ZFPM2: variants seen among roughly 807,000 people sequenced by gnomAD.
The protein encoded by ZFPM2 is zinc finger protein ZFPM2.
In ZFPM2, 20 loss-of-function variants were observed where a neutral mutation model predicts 98.6. The observed-to-expected ratio is 0.20, with a 90% CI of 0.14 to 0.29. ZFPM2 has a LOEUF of 0.29. Ranked by LOEUF, ZFPM2 falls within the 10% of genes least tolerant of loss-of-function variation. The probability of loss-of-function intolerance (pLI) is 1.00; values close to 1 mark genes in which losing one functional copy is unlikely to be tolerated. For synonymous variants in ZFPM2, 518 were observed against 502.7 expected, an observed-to-expected ratio of 1.03 and a Z score of -0.41; for missense variants, 1,310 against 1,388.6, an observed-to-expected ratio of 0.94 and a Z score of 0.90.
intron 5 of ZFPM2, chr8:105,785,073 T>G (rs1190744219): frequency 6.6e-6 from 1 of 152,060 alleles, no homozygotes; most frequent in East Asian, 1.9e-4. Flanking sequence ...CCAAGTTTCT[T>G]TGGTGATCCT....
chr8:105,753,525 A>G (rs1812523604), intron 5 of ZFPM2, among the ~76,000 whole-genome samples: 4 of 152,190 alleles, frequency 2.6e-5, no homozygotes, highest in Admixed American at 2.0e-4. Context: ...GCCACCAGAG[A>G]AAAACAAATT....
chr8:105,513,930 C>T (rs1586428201), intron 3 of ZFPM2, among the ~76,000 whole-genome samples: 2 of 151,688 alleles, frequency 1.3e-5, no homozygotes, highest in East Asian at 3.9e-4. Flanking sequence ...TAAGCTGCAC[C>T]TTGGGAGCTG....
chr8:105,385,589 G>T (rs984744805), intron 1 of ZFPM2, among the ~76,000 whole-genome samples: 3 of 152,108 alleles, frequency 2.0e-5, no homozygotes, highest in East Asian at 1.9e-4. Context: ...AGTAATGTAC[G>T]TATCTTAGTG....
intron 1 of ZFPM2, among the ~76,000 whole-genome samples, chr8:105,345,365 T>C (rs1355726617): frequency 6.6e-6 from 1 of 151,730 alleles, no homozygotes; most frequent in Non-Finnish European, 1.5e-5. Context: ...TTCCATCTTT[T>C]GGAAGGCAGA....
At chr8:105,512,904 T>C (rs79026805) in intron 3 of ZFPM2, among the ~76,000 whole-genome samples, 4,602 of 152,196 alleles carry the variant, frequency 0.03, 230 homozygotes, top group African/African-American at 0.1. Flanking sequence ...GTGTGCATGT[T>C]TCAAAATTTT....
At chr8:105,594,181 T>C (rs1328665424) in intron 4 of ZFPM2, among the ~76,000 whole-genome samples, 2 of 152,112 alleles carry the variant, frequency 1.3e-5, no homozygotes, top group Non-Finnish European at 2.9e-5. Context: ...GCCTGTCTCC[T>C]CTCCTCTTGA....
chr8:105,457,036 G>GT (rs1240867299), intron 3 of ZFPM2, among the ~76,000 whole-genome samples: 1 of 152,030 alleles, frequency 6.6e-6, no homozygotes, highest in African/African-American at 2.4e-5. Context: ...TTTTTGTGAG[G>GT]TTTATCATTT....
At chr8:105,757,465 A>C (rs574068162) in intron 5 of ZFPM2, among the ~76,000 whole-genome samples, 2 of 152,352 alleles carry the variant, frequency 1.3e-5, no homozygotes, top group South Asian at 4.1e-4. Context: ...GTGTAATTAA[A>C]AATGAAAATC....
intron 6 of ZFPM2, among the ~76,000 whole-genome samples, chr8:105,793,389 T>G (rs1162015962): frequency 1.3e-5 from 2 of 152,226 alleles, no homozygotes; most frequent in African/African-American, 2.4e-5. Context: ...AAAATTCTTT[T>G]CTTTAAGAAT....
intron 2 of ZFPM2, among the ~76,000 whole-genome samples, chr8:105,440,649 G>T (rs1043590020): frequency 3.9e-5 from 6 of 152,288 alleles, no homozygotes; most frequent in Admixed American, 2.0e-4. Context: ...GTAGGAAGCT[G>T]TTAGCACTTC....
At chr8:105,640,545 A>T (rs552204987) in intron 5 of ZFPM2, among the ~76,000 whole-genome samples, 135 of 152,156 alleles carry the variant, frequency 8.9e-4, no homozygotes, top group African/African-American at 3.2e-3. Context: ...AATGTCCTTT[A>T]TGTCCAAGGG....
At chr8:105,768,950 A>G (rs1812920683) in intron 5 of ZFPM2, among the ~76,000 whole-genome samples, 2 of 151,912 alleles carry the variant, frequency 1.3e-5, no homozygotes, top group African/African-American at 4.8e-5. Context: ...CATGGTTCCT[A>G]TCAGGCATAA....
At chr8:105,441,173 CA>C (rs1812229685) in intron 2 of ZFPM2, among the ~76,000 whole-genome samples, 1 of 151,458 alleles carries the variant, frequency 6.6e-6, no homozygotes, top group Non-Finnish European at 1.5e-5. Context: ...AACAAACAAA[CA>C]AACAAACAAA....
At chr8:105,713,655 G>A (rs1311187032) in intron 5 of ZFPM2, among the ~76,000 whole-genome samples, 1 of 151,952 alleles carries the variant, frequency 6.6e-6, no homozygotes, top group African/African-American at 2.4e-5. Flanking sequence ...TGTGGTGAGA[G>A]GTAGGCATCC....
chr8:105,527,752 G>C (rs900634335), intron 3 of ZFPM2, among the ~76,000 whole-genome samples: 13 of 152,192 alleles, frequency 8.5e-5, no homozygotes, highest in African/African-American at 3.1e-4. Flanking sequence ...GAAATGCAGT[G>C]TCTCAGGACC....
intron 7 of ZFPM2, among the ~76,000 whole-genome samples, chr8:105,799,203 A>T (rs1297877843): frequency 6.6e-6 from 1 of 152,202 alleles, no homozygotes; most frequent in Admixed American, 6.5e-5. Flanking sequence ...TGAGGTTTTA[A>T]AAAAGCACAT....
At chr8:105,602,638 C>CATATGTGTGCATTTGTACATACATGA (rs1188357345) in intron 4 of ZFPM2, among the ~76,000 whole-genome samples, 1 of 152,042 alleles carries the variant, frequency 6.6e-6, no homozygotes, top group Non-Finnish European at 1.5e-5. Context: ...GCCTGTGATA[C>CATATGTGTGCATTTGTACATACATGA]ATATGTGTGC....
chr8:105,419,402 T>C (rs1319080897), intron 2 of ZFPM2, 100 bp downstream of exon 2: 1 of 1,406,356 alleles, frequency 7.1e-7, no homozygotes, highest in African/African-American at 1.5e-5. Context: ...GACACATAAT[T>C]CAGCCGTCTG....
intron 5 of ZFPM2, among the ~76,000 whole-genome samples, chr8:105,691,619 T>C (rs1455979835): frequency 1.3e-5 from 2 of 152,210 alleles, no homozygotes; most frequent in Non-Finnish European, 2.9e-5. Flanking sequence ...CTAATAATTT[T>C]CTGTTTTTAT....
Sources: allele counts gnomAD v4.1 joint callset (sites outside exome capture counted in the v4.1 genomes callset), GRCh38; gene constraint gnomAD v4.1.1; transcripts MANE v1.5; gene names NCBI Gene and HGNC (gene_info 2026-07-23, HGNC 2026-07-21).